MAPK10: variants seen among roughly 807,000 people sequenced by gnomAD.
MAPK10 encodes the protein mitogen-activated protein kinase 10.
A neutral mutation model predicts 59.3 loss-of-function variants in MAPK10; 25 were observed. That is an observed-to-expected ratio of 0.42 (90% CI 0.31 to 0.59). MAPK10 has a LOEUF of 0.59. Ranked by LOEUF, MAPK10 falls within the 20% of genes least tolerant of loss-of-function variation. The pLI is 0.15. For missense variants in MAPK10, 351 were observed against 568.9 expected (o/e 0.62, Z 3.90); for synonymous variants, 190 against 200.5 (o/e 0.95, Z 0.44).
At chr4:86,028,603 T>C (rs1237888776) in intron 13 of MAPK10, 1 of 152,558 alleles carries the variant, frequency 6.6e-6, no homozygotes, top group Non-Finnish European at 1.5e-5. Context: ...AGAGCATAGG[T>C]CTTAGGAAAA....
chr4:86,134,732 G>C (rs143793057), intron 4 of MAPK10, among the ~76,000 whole-genome samples: 3 of 152,216 alleles, frequency 2.0e-5, no homozygotes, highest in Non-Finnish European at 4.4e-5. Context: ...CAGCGTGAGC[G>C]ACACAGAAGA....
chr4:86,457,693 T>C (rs947798862), upstream of MAPK10, among the ~76,000 whole-genome samples: 7 of 152,160 alleles, frequency 4.6e-5, no homozygotes, highest in Non-Finnish European at 1.0e-4. Flanking sequence ...CCCATGCTCA[T>C]GGATAGGTAG....
Position 86,368,863 on chromosome 4 carries a change from T to A in MAPK10, c.-121-14219A>T, listed in dbSNP as rs1461851630. ...ATTGTAAAATAATATCAAAGAAGAT[T>A]AAGCCTCCTCAGGTAGCAGCAGCTT... On this transcript the variant is annotated intron_variant, in intron 1 of 13. Transcript: ENST00000361569. Among the ~76,000 whole-genome samples the A allele has an allele frequency of 2.8e-5, 4 of 142,832 alleles. No individual in the cohort carries two copies. In the East Asian group the frequency reaches 8.5e-4, roughly 30 times the overall value. The allele number at this position is 142,832 out of a possible 152,430, so 93.7% of individuals were successfully genotyped here. A position where few individuals can be genotyped will look rare whatever the true frequency, so the allele number is the denominator to read the frequency against.
chr4:86,524,764 CTGT>C (rs1757350309), intron 1 of MAPK10, among the ~76,000 whole-genome samples: 1 of 150,718 alleles, frequency 6.6e-6, no homozygotes, highest in Admixed American at 6.6e-5. Context: ...GCTTCTGCTG[CTGT>C]TGTTTTAGTT....
intron 1 of MAPK10, among the ~76,000 whole-genome samples, chr4:86,356,181 G>A (rs1389510723): frequency 1.3e-5 from 2 of 152,168 alleles, no homozygotes; most frequent in African/African-American, 2.4e-5. Context: ...ACCATGCAGG[G>A]TTTTAGAGCA....
chr4:86,496,059 C>T (rs910545284), intron 1 of MAPK10, among the ~76,000 whole-genome samples: 12 of 151,986 alleles, frequency 7.9e-5, no homozygotes, highest in African/African-American at 2.9e-4. Context: ...TTGTGGAAAA[C>T]AACATACACA....
chr4:86,372,913 A>C (rs965986711), intron 1 of MAPK10, among the ~76,000 whole-genome samples: 1 of 152,236 alleles, frequency 6.6e-6, no homozygotes, highest in African/African-American at 2.4e-5. Flanking sequence ...AACAGCTTTA[A>C]ATTTCATGTG....
At chr4:86,136,019 G>A (rs1349794183) in intron 4 of MAPK10, among the ~76,000 whole-genome samples, 2 of 152,190 alleles carry the variant, frequency 1.3e-5, no homozygotes, top group Non-Finnish European at 2.9e-5. Context: ...AAGCTTCCAA[G>A]AAATATGGGA....
intron 2 of MAPK10, among the ~76,000 whole-genome samples, chr4:86,215,260 C>T (rs79326568): frequency 0.085 from 12,932 of 152,092 alleles, 1,216 homozygotes; most frequent in African/African-American, 0.23. Context: ...AAAAGTTAAC[C>T]AATAATGGAT....
chr4:86,574,673 G>A (rs929106304), intron 1 of MAPK10, among the ~76,000 whole-genome samples: 1 of 152,018 alleles, frequency 6.6e-6, no homozygotes, highest in Non-Finnish European at 1.5e-5. Flanking sequence ...CAGACCTATG[G>A]CTAAGAAATA....
intron 9 of MAPK10, among the ~76,000 whole-genome samples, chr4:86,072,387 C>A (rs1183423085): frequency 1.3e-5 from 2 of 150,464 alleles, no homozygotes. Flanking sequence ...CGTTTATTTC[C>A]TTCTCCTGTC....
In MAPK10 at chr4:86,012,124, T is replaced by A. The variant is rs1741513918; in HGVS notation, c.*5104A>T. 6.6e-6 allele frequency: 1 copy of A among 152,214 alleles called. No homozygotes were observed. Among genetic ancestry groups the A allele is most frequent in the Non-Finnish European group, 1.5e-5 (1 of 68,030 alleles). The allele number at this position is 152,214 out of a possible 1,614,324, so 9.4% of individuals were successfully genotyped here. ...CCCCCCCAAAAGATGATCTTTTTTT[T>A]CTTCATTGATTTTATACCTTAAAAA... On this transcript the variant is annotated 3_prime_UTR_variant, in exon 14 of 14. Transcript: ENST00000641462.
At chr4:86,123,835 C>A (rs1202677506) in intron 4 of MAPK10, 1 of 151,990 alleles carries the variant, frequency 6.6e-6, no homozygotes, top group Non-Finnish European at 1.5e-5. Flanking sequence ...AATATATGTA[C>A]CATAAGTTAA....
chr4:86,574,568 T>C lies in MAPK10; in HGVS notation c.-263+19342A>G, dbSNP rs62308406. Among the ~76,000 whole-genome samples the C allele has an allele frequency of 9.5e-3, 1,446 of 152,306 alleles. 1 individual carries two copies. Among genetic ancestry groups the C allele is most frequent in the Non-Finnish European group, 0.013 (892 of 68,018 alleles). Reference sequence around the variant, plus strand: ...TTCTCCACATCCTCTCCAGCACCTGTTGTTTCCTGACTTTTTAATGATTGC... The same window carrying C: ...TTCTCCACATCCTCTCCAGCACCTGCTGTTTCCTGACTTTTTAATGATTGC... On this transcript the variant is annotated intron_variant, in intron 1 of 4. Coordinates refer to the MAPK10 transcript ENST00000502302.
intron 3 of MAPK10, chr4:86,193,127 T>G (rs368426528): frequency 1.3e-5 from 2 of 153,772 alleles, no homozygotes; most frequent in East Asian, 1.9e-4. Context: ...AGATTGCATC[T>G]GTTCCTTCCT....
At chr4:86,053,218 C>G (rs893934302) in intron 11 of MAPK10, among the ~76,000 whole-genome samples, 1 of 152,098 alleles carries the variant, frequency 6.6e-6, no homozygotes, top group Non-Finnish European at 1.5e-5. Context: ...ACATCCAGGC[C>G]TTGCAGAAAA....
chr4:86,356,436 T>C (rs1381253456), intron 1 of MAPK10: 1 of 671,754 alleles, frequency 1.5e-6, no homozygotes, highest in Non-Finnish European at 1.8e-6. Flanking sequence ...CCTAAAATGT[T>C]TATATTTAGT....
intron 1 of MAPK10, among the ~76,000 whole-genome samples, chr4:86,467,069 C>A (rs1019875073): frequency 6.6e-6 from 1 of 152,176 alleles, no homozygotes; most frequent in Non-Finnish European, 1.5e-5. Flanking sequence ...TCAGTTGCAG[C>A]AAACTCTGAA....
chr4:86,482,936 T>C (rs931629577), intron 1 of MAPK10, among the ~76,000 whole-genome samples: 1 of 152,186 alleles, frequency 6.6e-6, no homozygotes, highest in African/African-American at 2.4e-5. Context: ...GCATACAACA[T>C]TTAGCTTTCC....
Sources: allele counts gnomAD v4.1 joint callset (sites outside exome capture counted in the v4.1 genomes callset), GRCh38; gene constraint gnomAD v4.1.1; transcripts MANE v1.5; gene names NCBI Gene and HGNC (gene_info 2026-07-23, HGNC 2026-07-21).